Variants in NRXN2 observed in about 807,000 individuals in gnomAD.
NRXN2 encodes the protein neurexin 2.
NRXN2 carries 29 observed loss-of-function variants against 128.8 expected under a neutral mutation model. The ratio of observed to expected loss-of-function variants is 0.23; its 90% CI spans 0.17 to 0.31. NRXN2 has a LOEUF of 0.31. Among genes scored for constraint, NRXN2 ranks in the 10% least tolerant of loss-of-function variants. The pLI is 1.00. For synonymous variants in NRXN2, 1,098 were observed against 1,075.2 expected (o/e 1.02, Z -0.41); for missense variants, 1,881 against 2,452.6 (o/e 0.77, Z 4.92).
At chr11:64,717,800 C>T (rs778015521) in intron 1 of NRXN2, among the ~76,000 whole-genome samples, 7 of 152,194 alleles carry the variant, frequency 4.6e-5, no homozygotes, top group East Asian at 3.9e-4. Flanking sequence ...GAGCTTAGAA[C>T]GATGAATTCA....
intron 2 of NRXN2, among the ~76,000 whole-genome samples, chr11:64,704,623 C>CACACACAGAGAG (rs1336665936): frequency 5.4e-4 from 44 of 81,202 alleles, no homozygotes; most frequent in African/African-American, 1.5e-3. Context: ...CACACACACA[C>CACACACAGAGAG]AGAGAGAGAG....
intron 6 of NRXN2, among the ~76,000 whole-genome samples, chr11:64,685,014 A>C (rs1195728870): frequency 6.6e-6 from 1 of 152,204 alleles, no homozygotes; most frequent in Non-Finnish European, 1.5e-5. Context: ...TGTCCTGCCC[A>C]GAGGAGATGA....
At chr11:64,628,834 G>A (rs1268398376) in intron 19 of NRXN2, among the ~76,000 whole-genome samples, 1 of 152,198 alleles carries the variant, frequency 6.6e-6, no homozygotes, top group Non-Finnish European at 1.5e-5. Context: ...GAGGGTTGGT[G>A]TGTGTTGAGT....
rs895032874 is a variant in NRXN2 at position 64,648,404 on chromosome 11, G to T, written c.3284-66C>A. On this transcript the variant is annotated intron_variant, in intron 16 of 22. Transcript: ENST00000265459. The surrounding 1 kb of genome is among the most constrained non-coding windows in gnomAD (Gnocchi z 4.1). ...AGCCCCCTCTTTCCCCAGGAGGTGT[G>T]GAAGCTTCAGAGCCAGGCAGAGAGG... 1 of 1,611,666 alleles carries T rather than the reference G, an allele frequency of 6.2e-7. No individual in the cohort carries two copies. The highest frequency in any genetic ancestry group is 1.1e-5 in the South Asian group (1 of 90,924).
chr11:64,676,434 G>A, intron 7 of NRXN2: 1 of 164,944 alleles, frequency 6.1e-6, no homozygotes. Flanking sequence ...CCACCCCTGG[G>A]AACCCACCCC....
rs141976329 is a variant in NRXN2, at chr11:64,633,600, C to T, written c.3585+1671G>A. Among the ~76,000 whole-genome samples the T allele has an allele frequency of 1.1e-4, 16 of 152,252 alleles. No homozygotes were observed. The East Asian group carries it at 1.9e-3, about 18-fold the overall frequency. Reference sequence around the variant, plus strand: ...GACACAGGGAAACCCAGTCACACCCCGCCACCCAGAAAGGCAATTGAAACA... The same window carrying T: ...GACACAGGGAAACCCAGTCACACCCTGCCACCCAGAAAGGCAATTGAAACA... On this transcript the variant is annotated intron_variant, in intron 18 of 22. Coordinates refer to ENST00000265459, the MANE Select transcript of NRXN2 (RefSeq NM_015080.4).
intron 17 of NRXN2, among the ~76,000 whole-genome samples, chr11:64,647,799 T>C (rs2046921814): frequency 6.6e-6 from 1 of 151,856 alleles, no homozygotes; most frequent in Admixed American, 6.6e-5. Flanking sequence ...CCAAAGGGGG[T>C]GCAGATTGTT....
intron 3 of NRXN2, among the ~76,000 whole-genome samples, chr11:64,693,090 C>T (rs976419604): frequency 6.8e-6 from 1 of 146,320 alleles, no homozygotes; most frequent in Non-Finnish European, 1.5e-5. Flanking sequence ...GGCCCGATGC[C>T]GAAACAGCGG....
At chr11:64,684,293 A>T (rs566700682) in intron 6 of NRXN2, among the ~76,000 whole-genome samples, 1 of 152,284 alleles carries the variant, frequency 6.6e-6, no homozygotes, top group East Asian at 1.9e-4. Flanking sequence ...AAACTGTCAC[A>T]AATGCACATG....
chr11:64,654,000 A>T (rs1318929476), intron 11 of NRXN2, among the ~76,000 whole-genome samples: 1 of 152,172 alleles, frequency 6.6e-6, no homozygotes, highest in Non-Finnish European at 1.5e-5. Flanking sequence ...AGAGGGTACC[A>T]GGCCTCTAGT....
At chr11:64,608,494 CTTT>C (rs58638827) in intron 22 of NRXN2, among the ~76,000 whole-genome samples, 31 of 111,150 alleles carry the variant, frequency 2.8e-4, no homozygotes, top group African/African-American at 6.1e-4. Flanking sequence ...TCTTTTTTTG[CTTT>C]TTTTTTTTTT....
At position 64,607,403 on chromosome 11, in the gene NRXN2, C is replaced by CGCCACA; in HGVS notation, c.4926_4931dup (p.Val1643_Ala1644dup). 1 of 1,613,362 alleles carries CGCCACA rather than the reference C, an allele frequency of 6.2e-7. No homozygotes were observed. The highest frequency in any genetic ancestry group is 1.1e-5 in the South Asian group (1 of 91,078). ...GGATGAGGATGCAGAGCGCCGCCGC[C>CGCCACA]GCCACAATGCCCACCACCATGCCCG... On this transcript the variant is annotated inframe_insertion, in exon 23 of 23. Transcript: ENST00000265459.
At chr11:64,699,425 CTTTTT>C (rs67776872) in intron 2 of NRXN2, among the ~76,000 whole-genome samples, 5 of 92,128 alleles carry the variant, frequency 5.4e-5, no homozygotes, top group Admixed American at 3.2e-4. Flanking sequence ...TAATAGTTTT[CTTTTT>C]TTTTTTTTTT....
At chr11:64,608,746 T>C (rs1426496366) in intron 22 of NRXN2, among the ~76,000 whole-genome samples, 1 of 152,146 alleles carries the variant, frequency 6.6e-6, no homozygotes, top group Non-Finnish European at 1.5e-5. Context: ...CCTCCTGAAC[T>C]CTCTCTCCGC....
At position 64,653,683 on chromosome 11, in the gene NRXN2, G is replaced by A. The variant is rs773895449; in HGVS notation, c.2416+13C>T. On this transcript the variant is annotated intron_variant, in intron 12 of 22. Coordinates refer to ENST00000265459, the MANE Select transcript of NRXN2 (RefSeq NM_015080.4). ...CCCTTGGGTCTCTGCAGAAGAAGAG[G>A]GAAGCCACTTACTGGGTGCGCAGCC... The A allele has an allele frequency of 2.5e-6, 4 of 1,594,986 alleles. No homozygotes were observed. In the Admixed American group the frequency reaches 5.3e-5, roughly 21 times the overall value.
chr11:64,674,794 A>G (rs1012963039), intron 7 of NRXN2, among the ~76,000 whole-genome samples: 1 of 152,210 alleles, frequency 6.6e-6, no homozygotes, highest in African/African-American at 2.4e-5. Flanking sequence ...AACATTTTAT[A>G]AAGCTTAGTA....
intron 1 of NRXN2, among the ~76,000 whole-genome samples, chr11:64,722,606 TCTGGC>T (rs1320888037): frequency 6.6e-6 from 1 of 151,564 alleles, no homozygotes; most frequent in Non-Finnish European, 1.5e-5. Flanking sequence ...CAACAGCTCC[TCTGGC>T]CCGGCGCTGC....
At chr11:64,662,034 CTT>C (rs1413522490) in intron 9 of NRXN2, among the ~76,000 whole-genome samples, 3 of 150,292 alleles carry the variant, frequency 2.0e-5, no homozygotes, top group East Asian at 2.0e-4. Flanking sequence ...GGATGGATCA[CTT>C]GAGGTCAGGA....
chr11:64,607,462 C>T lies in NRXN2; in HGVS notation c.4873G>A (p.Ala1625Thr), dbSNP rs996072033. Residue 1625 changes from alanine (A) to threonine (T), a missense_variant, in exon 23 of 23, where the codon GCA becomes ACA. Ala to Thr is a moderately conservative substitution (Grantham distance 58). Coordinates refer to ENST00000265459, the MANE Select transcript of NRXN2 (RefSeq NM_015080.4). ...CTGGACTCCCGGATCACCTCCACTG[C>T]GCCCGGCGGGCCCCGCTCCCCAGGC... The part of the protein sequence containing the change: ...TGPGERGPPG[A>T]VEVIRESSST... 3 of 1,609,300 alleles carry T rather than the reference C, an allele frequency of 1.9e-6. No homozygotes were observed. Among genetic ancestry groups the T allele is most frequent in the Admixed American group, 1.7e-5 (1 of 59,926 alleles).
Sources: gnomAD v4.1 joint callset for allele counts (sites outside exome capture counted in the v4.1 genomes callset) on GRCh38, gnomAD v4.1.1 for gene constraint, Gnocchi (gnomAD v3.1) non-coding constraint, MANE v1.5 for transcripts, NCBI Gene and HGNC (gene_info 2026-07-23, HGNC 2026-07-21) for gene names.